Variants in CCDC148 observed in about 807,000 individuals in gnomAD.
The protein encoded by CCDC148 is coiled-coil domain-containing protein 148.
CCDC148 carries 89 observed loss-of-function variants against 85.7 expected under a neutral mutation model. The ratio of observed to expected loss-of-function variants is 1.04; its 90% CI spans 0.87 to 1.24. The LOEUF is 1.24. Among genes scored for constraint, CCDC148 ranks in the 50% most tolerant of loss-of-function variants. The probability of loss-of-function intolerance (pLI) is 0.00; values close to 1 mark genes in which losing one functional copy is unlikely to be tolerated. For synonymous variants in CCDC148, 230 were observed against 213.9 expected, an observed-to-expected ratio of 1.08 and a Z score of -0.66; for missense variants, 692 against 671.7, an observed-to-expected ratio of 1.03 and a Z score of -0.33.
At chr2:158,262,519 G>A (rs190339771) in intron 9 of CCDC148, among the ~76,000 whole-genome samples, 152 of 151,964 alleles carry the variant, frequency 1.0e-3, no homozygotes, top group African/African-American at 3.3e-3. Flanking sequence ...CTGTTTTCAC[G>A]CTGATATAAA....
chr2:158,201,491 C>T (rs1007964840), intron 11 of CCDC148, among the ~76,000 whole-genome samples: 20 of 152,140 alleles, frequency 1.3e-4, no homozygotes, highest in African/African-American at 4.1e-4. Context: ...CTCACTGCAA[C>T]CTCCATGTCC....
At chr2:158,443,429 G>C (rs975378857) in intron 1 of CCDC148, among the ~76,000 whole-genome samples, 7 of 150,216 alleles carry the variant, frequency 4.7e-5, no homozygotes, top group African/African-American at 1.5e-4. Flanking sequence ...ATTTGAGCCT[G>C]GGAGATCAAG....
chr2:158,257,819 T>G (rs1386342718), intron 9 of CCDC148, among the ~76,000 whole-genome samples: 1 of 151,882 alleles, frequency 6.6e-6, no homozygotes, highest in Non-Finnish European at 1.5e-5. Flanking sequence ...CTAACCTTAG[T>G]GTAAAACAAA....
At chr2:158,254,619 G>A (rs1428315364) in intron 9 of CCDC148, among the ~76,000 whole-genome samples, 1 of 151,634 alleles carries the variant, frequency 6.6e-6, no homozygotes, top group Non-Finnish European at 1.5e-5. Flanking sequence ...TTCTGAGGCA[G>A]TAGGAAGGAA....
At chr2:158,193,633 T>C (rs1685523092) in intron 11 of CCDC148, among the ~76,000 whole-genome samples, 1 of 152,068 alleles carries the variant, frequency 6.6e-6, no homozygotes, top group Non-Finnish European at 1.5e-5. Context: ...GACAAAGTGA[T>C]GCATTCTTCT....
intron 1 of CCDC148, among the ~76,000 whole-genome samples, chr2:158,384,164 G>A (rs1050624145): frequency 6.6e-6 from 1 of 152,072 alleles, no homozygotes; most frequent in Non-Finnish European, 1.5e-5. Flanking sequence ...GACTTTGATC[G>A]CTTAATTAAG....
intron 1 of CCDC148, among the ~76,000 whole-genome samples, chr2:158,385,045 G>T (rs1334218693): frequency 6.6e-6 from 1 of 152,084 alleles, no homozygotes; most frequent in Non-Finnish European, 1.5e-5. Flanking sequence ...CATCAGTCAG[G>T]GACAGTTGTC....
At chr2:158,333,678 T>C (rs1353292768) in intron 7 of CCDC148, among the ~76,000 whole-genome samples, 1 of 152,166 alleles carries the variant, frequency 6.6e-6, no homozygotes, top group Non-Finnish European at 1.5e-5. Flanking sequence ...TCTAAGAACA[T>C]GCTTTAGGAT....
chr2:158,315,465 TG>T (rs1331016656), intron 7 of CCDC148, among the ~76,000 whole-genome samples: 4 of 151,696 alleles, frequency 2.6e-5, no homozygotes, highest in African/African-American at 7.2e-5. Flanking sequence ...GTTTGTAAAA[TG>T]TTTTTTTAAT....
chr2:158,218,974 C>T (rs948606224), intron 11 of CCDC148, among the ~76,000 whole-genome samples: 7 of 152,184 alleles, frequency 4.6e-5, no homozygotes, highest in Admixed American at 3.9e-4. Flanking sequence ...CAGATTCAAT[C>T]TACAACCTCA....
At chr2:158,284,094 G>A (rs1443624640) in intron 9 of CCDC148, among the ~76,000 whole-genome samples, 1 of 143,888 alleles carries the variant, frequency 6.9e-6, no homozygotes, top group Non-Finnish European at 1.5e-5. Context: ...CATGGACACA[G>A]GAAGGGGAAC....
chr2:158,219,949 T>A (rs1676788967), intron 11 of CCDC148, among the ~76,000 whole-genome samples: 1 of 152,234 alleles, frequency 6.6e-6, no homozygotes, highest in Admixed American at 6.5e-5. Context: ...AGTTTATCAT[T>A]TTTTCTATTA....
chr2:158,399,665 A>T (rs1007792281), intron 1 of CCDC148, among the ~76,000 whole-genome samples: 4 of 152,158 alleles, frequency 2.6e-5, no homozygotes, highest in Non-Finnish European at 5.9e-5. Flanking sequence ...CACAGCCAAT[A>T]TCATACTGAA....
intron 10 of CCDC148, among the ~76,000 whole-genome samples, chr2:158,245,087 T>G (rs1010813352): frequency 1.3e-5 from 2 of 152,122 alleles, no homozygotes; most frequent in African/African-American, 4.8e-5. Flanking sequence ...AGATCTGAAA[T>G]GGGGAGGTAC....
chr2:158,252,030 T>C (rs754424136), intron 9 of CCDC148, among the ~76,000 whole-genome samples: 21 of 151,920 alleles, frequency 1.4e-4, no homozygotes, highest in Non-Finnish European at 2.5e-4. Flanking sequence ...GATCCATGTA[T>C]ACATCTGGCT....
At chr2:158,301,011 C>A (rs745632032) in intron 9 of CCDC148, among the ~76,000 whole-genome samples, 1 of 152,138 alleles carries the variant, frequency 6.6e-6, no homozygotes. Flanking sequence ...CGCACCACTA[C>A]TCCTGGCTGT....
intron 9 of CCDC148, among the ~76,000 whole-genome samples, chr2:158,259,013 T>C (rs1386116139): frequency 6.6e-6 from 1 of 151,846 alleles, no homozygotes; most frequent in African/African-American, 2.4e-5. Flanking sequence ...ACCCTCTGTG[T>C]TCCAGATGCA....
At chr2:158,277,837 C>G (rs537325361) in intron 9 of CCDC148, among the ~76,000 whole-genome samples, 1 of 152,250 alleles carries the variant, frequency 6.6e-6, no homozygotes, top group African/African-American at 2.4e-5. Flanking sequence ...ACCTTGTGAT[C>G]CGCCCACTTC....
At chr2:158,246,121 A>G (rs6709799) in intron 10 of CCDC148, among the ~76,000 whole-genome samples, 7,220 of 152,226 alleles carry the variant, frequency 0.047, 595 homozygotes, top group African/African-American at 0.16. Context: ...CAGAAATTGT[A>G]TGGTGGAGTT....
Sources: allele counts gnomAD v4.1 joint callset (sites outside exome capture counted in the v4.1 genomes callset), GRCh38; gene constraint gnomAD v4.1.1; transcripts MANE v1.5; gene names NCBI Gene and HGNC (gene_info 2026-07-23, HGNC 2026-07-21).